The following AGTPBP1 variants were observed in gnomAD, a reference collection of about 807,000 sequenced individuals.
The protein encoded by AGTPBP1 is ATP/GTP binding carboxypeptidase 1, also known as cytosolic carboxypeptidase 1.
A neutral mutation model predicts 143.9 loss-of-function variants in AGTPBP1; 70 were observed. That is an observed-to-expected ratio of 0.49 (90% CI 0.40 to 0.59). AGTPBP1 has a LOEUF of 0.59. AGTPBP1 is among the 20% of genes least tolerant of loss of function. The pLI, the probability that AGTPBP1 is intolerant of heterozygous loss-of-function variation, is 0.00. For synonymous variants in AGTPBP1, 463 were observed against 500.2 expected, an observed-to-expected ratio of 0.93 and a Z score of 0.99; for missense variants, 1,229 against 1,464.5, an observed-to-expected ratio of 0.84 and a Z score of 2.62.
chr9:85,654,650 C>CT (rs1833379904), intron 11 of AGTPBP1, among the ~76,000 whole-genome samples: 8 of 152,162 alleles, frequency 5.3e-5, no homozygotes, highest in South Asian at 4.1e-4. Flanking sequence ...TGAGAACAGA[C>CT]TGGCCAACAT....
chr9:85,552,251 G>T (rs553228017), intron 25 of AGTPBP1, among the ~76,000 whole-genome samples: 1 of 152,230 alleles, frequency 6.6e-6, no homozygotes, highest in Non-Finnish European at 1.5e-5. Flanking sequence ...ATGCAGAAAA[G>T]GTTTATAATT....
intron 13 of AGTPBP1, among the ~76,000 whole-genome samples, chr9:85,639,365 G>GTGCACA (rs1832307120): frequency 9.5e-6 from 1 of 105,586 alleles, no homozygotes; most frequent in African/African-American, 4.1e-5. Context: ...GCGCGCGCAC[G>GTGCACA]CGCACACACA....
intron 23 of AGTPBP1, among the ~76,000 whole-genome samples, chr9:85,582,989 T>C (rs2133134858): frequency 6.6e-6 from 1 of 152,128 alleles, no homozygotes; most frequent in African/African-American, 2.4e-5. Context: ...TTAGTGGCCC[T>C]TACCATCACA....
At chr9:85,786,182 G>C in the AGTPBP1 span, 11 of 1,603,746 alleles carry the variant, frequency 6.9e-6, no homozygotes, top group African/African-American at 1.3e-4. Context: ...AGACCTGAAA[G>C]TATGAAATTA....
chr9:85,573,450 G>A (rs1827660471), intron 25 of AGTPBP1, among the ~76,000 whole-genome samples: 1 of 152,120 alleles, frequency 6.6e-6, no homozygotes. Context: ...ATCTCGGCCC[G>A]CTACAACCTC....
intron 15 of AGTPBP1, among the ~76,000 whole-genome samples, chr9:85,620,196 A>C (rs1830836886): frequency 6.6e-6 from 1 of 152,128 alleles, no homozygotes; most frequent in South Asian, 2.1e-4. Context: ...AGATGACCTG[A>C]GGTCAGGAAG....
chr9:85,751,732 A>G, the AGTPBP1 span, among the ~76,000 whole-genome samples: 17 of 152,078 alleles, frequency 1.1e-4, no homozygotes, highest in Non-Finnish European at 2.5e-4. Context: ...CTCGTGCCTC[A>G]GCCTCCTGAG....
upstream of AGTPBP1, chr9:85,742,066 CG>C: frequency 3.6e-6 from 4 of 1,126,002 alleles, no homozygotes; most frequent in South Asian, 4.4e-5. Context: ...GCGAAAGGGG[CG>C]GGGCGGAGCG....
In AGTPBP1 at chr9:85,547,277, A is replaced by C; in HGVS notation, c.3513T>G (p.Thr1171=). The C allele has an allele frequency of 1.9e-6, 3 of 1,610,190 alleles. No homozygotes were observed. ...GAGGTTCATCTTCATCCAAGACATA[A>C]GTGGTAGGGCTGCAGCCAAAACACA... The part of the protein sequence containing the change: ...ESSCKVTSPT[T]YVLDEDEPRF... Residue 1171 remains threonine (T), a synonymous_variant, in exon 26 of 26, where the codon ACT becomes ACG. Coordinates refer to ENST00000357081, the MANE Select transcript of AGTPBP1 (RefSeq NM_001330701.2).
intron 3 of AGTPBP1, among the ~76,000 whole-genome samples, chr9:85,687,663 T>C (rs1157555219): frequency 1.3e-5 from 2 of 152,060 alleles, no homozygotes; most frequent in Non-Finnish European, 1.5e-5. Context: ...TATTGTCAAC[T>C]GAATCAAAAC....
intron 11 of AGTPBP1, among the ~76,000 whole-genome samples, chr9:85,651,409 C>T (rs1564106556): frequency 6.6e-6 from 1 of 152,078 alleles, no homozygotes; most frequent in Non-Finnish European, 1.5e-5. Flanking sequence ...GGAAATCTAT[C>T]AATATAAATT....
chr9:85,640,356 TAAATA>T (rs1832383640), intron 13 of AGTPBP1, among the ~76,000 whole-genome samples: 1 of 152,218 alleles, frequency 6.6e-6, no homozygotes, highest in African/African-American at 2.4e-5. Flanking sequence ...TCTGATTATG[TAAATA>T]AAAGACGATA....
chr9:85,679,739 A>G (rs570126837), intron 4 of AGTPBP1, among the ~76,000 whole-genome samples: 2 of 152,306 alleles, frequency 1.3e-5, no homozygotes, highest in South Asian at 4.1e-4. Flanking sequence ...CATGTCAAAG[A>G]AATTATGTAA....
rs140722836 is a variant in AGTPBP1, at chr9:85,691,918, T to C, written c.157+771A>G. Among the ~76,000 whole-genome samples the C allele has an allele frequency of 3.3e-3, 507 of 152,320 alleles. 3 individuals carry two copies. Among genetic ancestry groups the C allele is most frequent in the East Asian group, 0.024 (126 of 5,184 alleles). On this transcript the variant is annotated intron_variant, in intron 3 of 25. Coordinates refer to ENST00000357081, the MANE Select transcript of AGTPBP1 (RefSeq NM_001330701.2). The stretch of plus-strand genomic sequence containing the variant: ...GAACATTTTAAATATTCTTTTTACA[T>C]GCTTCTCATGTAAATCTCATGACAA...
At chr9:85,670,935 T>G (rs956837412) in intron 7 of AGTPBP1, among the ~76,000 whole-genome samples, 1 of 151,996 alleles carries the variant, frequency 6.6e-6, no homozygotes, top group Non-Finnish European at 1.5e-5. Context: ...CATTTGGGGG[T>G]TTTTGTTGCA....
At chr9:85,590,384 T>C (rs1183299928) in intron 19 of AGTPBP1, among the ~76,000 whole-genome samples, 1 of 152,196 alleles carries the variant, frequency 6.6e-6, no homozygotes, top group African/African-American at 2.4e-5. Context: ...TTATGAATAC[T>C]ATACCACATC....
At chr9:85,743,745 C>T (rs943618653), upstream of AGTPBP1, among the ~76,000 whole-genome samples, 1 of 152,086 alleles carries the variant, frequency 6.6e-6, no homozygotes, top group Admixed American at 6.5e-5. Flanking sequence ...AGGGCCACAC[C>T]CTGTTAGCCT....
intron 2 of AGTPBP1, among the ~76,000 whole-genome samples, chr9:85,701,802 G>A (rs1836682415): frequency 6.6e-6 from 1 of 152,090 alleles, no homozygotes; most frequent in Non-Finnish European, 1.5e-5. Context: ...GGTCAATTAG[G>A]AAAGGAAAAA....
At chr9:85,767,618 T>C in the AGTPBP1 span, among the ~76,000 whole-genome samples, 4 of 152,036 alleles carry the variant, frequency 2.6e-5, no homozygotes, top group Non-Finnish European at 5.9e-5. Flanking sequence ...AGTGCTGGGA[T>C]TACAGGCGTA....
Sources: gnomAD v4.1 joint callset for allele counts (sites outside exome capture counted in the v4.1 genomes callset) on GRCh38, gnomAD v4.1.1 for gene constraint, MANE v1.5 for transcripts, NCBI Gene and HGNC (gene_info 2026-07-23, HGNC 2026-07-21) for gene names.